Variants in WNT7B observed in about 807,000 individuals in gnomAD.
WNT7B encodes Wnt family member 7B.
In WNT7B, 19 loss-of-function variants were observed where a neutral mutation model predicts 38.2. That is an observed-to-expected ratio of 0.50 (90% CI 0.35 to 0.73). The LOEUF (loss-of-function observed/expected upper bound fraction) is 0.73, where lower values mean the gene tolerates loss of function less well. WNT7B is among the 30% of genes least tolerant of loss of function. The pLI, the probability that WNT7B is intolerant of heterozygous loss-of-function variation, is 0.01. For synonymous variants in WNT7B, 243 were observed against 209.3 expected, an observed-to-expected ratio of 1.16 and a Z score of -1.39; for missense variants, 423 against 507.9, an observed-to-expected ratio of 0.83 and a Z score of 1.61.
chr22:45,933,574 G>T (rs749842703), intron 2 of WNT7B, among the ~76,000 whole-genome samples: 1 of 152,078 alleles, frequency 6.6e-6, no homozygotes, highest in Non-Finnish European at 1.5e-5. Context: ...TAGGGGGAGG[G>T]GGCAATAAAC....
At chr22:45,967,424 G>T (rs1268597211) in intron 1 of WNT7B, among the ~76,000 whole-genome samples, 2 of 99,420 alleles carry the variant, frequency 2.0e-5, no homozygotes, top group Admixed American at 2.0e-4. Flanking sequence ...GAGGGCTTGG[G>T]CTCCCACTGC....
At chr22:45,926,661 C>T in intron 3 of WNT7B, 1 of 985,270 alleles carries the variant, frequency 1.0e-6, no homozygotes, top group Non-Finnish European at 1.2e-6. Flanking sequence ...CTCACACCCT[C>T]TTCCACAGCA....
chr22:45,944,559 T>C (rs1487292010), intron 2 of WNT7B, among the ~76,000 whole-genome samples: 3 of 152,204 alleles, frequency 2.0e-5, no homozygotes, highest in Non-Finnish European at 4.4e-5. Flanking sequence ...GAAATGTCTG[T>C]TGAGCTGCCT....
intron 2 of WNT7B, among the ~76,000 whole-genome samples, chr22:45,932,408 C>G (rs563754466): frequency 6.2e-5 from 9 of 146,232 alleles, no homozygotes; most frequent in African/African-American, 2.4e-4. Flanking sequence ...TCCAGGCAGC[C>G]TTCCCAGACC....
chr22:45,956,430 G>A (rs998570249), intron 1 of WNT7B, among the ~76,000 whole-genome samples: 1 of 152,334 alleles, frequency 6.6e-6, no homozygotes, highest in East Asian at 1.9e-4. Context: ...TCCCCCGGGA[G>A]ATCAGGGACC....
At chr22:45,953,527 G>T (rs1312774939) in intron 1 of WNT7B, among the ~76,000 whole-genome samples, 1 of 152,152 alleles carries the variant, frequency 6.6e-6, no homozygotes, top group Admixed American at 6.5e-5. Flanking sequence ...ACATCTGAAA[G>T]AACTACAACT....
At chr22:45,954,919 T>A (rs1030553260) in intron 1 of WNT7B, 2 of 252,970 alleles carry the variant, frequency 7.9e-6, no homozygotes, top group African/African-American at 2.3e-5. Context: ...TCAGAGAGGC[T>A]AGGGGACCTG....
chr22:45,950,231 C>T (rs1931900653), intron 1 of WNT7B, 85 bp from the exon 2 acceptor site: 1 of 1,217,824 alleles, frequency 8.2e-7, no homozygotes, highest in Non-Finnish European at 1.2e-6. Context: ...CACTCAGCCT[C>T]TCAGTCACAG....
In WNT7B at chr22:45,963,073, C is replaced by T. The variant is rs1399666003; in HGVS notation, c.72-12927G>A. Among the ~76,000 whole-genome samples, 8 of 152,226 alleles carry T rather than the reference C, an allele frequency of 5.3e-5. No homozygotes were observed. In the East Asian group the frequency reaches 1.2e-3, roughly 22 times the overall value. On this transcript the variant is annotated intron_variant, in intron 1 of 3. Coordinates refer to ENST00000339464, the MANE Select transcript of WNT7B (RefSeq NM_058238.3). ...AGCTCCCGGCCCTGGGACTCAGCCT[C>T]AGGCCGCAGTCCTGAAGGGTCCTCC...
At chr22:45,970,861 A>T (rs1200659721) in intron 1 of WNT7B, among the ~76,000 whole-genome samples, 1 of 152,164 alleles carries the variant, frequency 6.6e-6, no homozygotes, top group Non-Finnish European at 1.5e-5. Flanking sequence ...CCCCACCCGC[A>T]TGCGCCCTGC....
intron 2 of WNT7B, among the ~76,000 whole-genome samples, chr22:45,943,485 G>A (rs1931719497): frequency 6.6e-6 from 1 of 152,228 alleles, no homozygotes; most frequent in African/African-American, 2.4e-5. Context: ...GGTGCTCGGG[G>A]AGCCCAGGAG....
At chr22:45,926,595 C>T (rs2146705288) in intron 3 of WNT7B, 1 of 985,404 alleles carries the variant, frequency 1.0e-6, no homozygotes, top group Non-Finnish European at 1.2e-6. Context: ...CTGGGGCCGA[C>T]AGAAGGCACC....
Position 45,922,859 on chromosome 22 carries a change from C to T in WNT7B, c.1047G>A (p.Lys349=), listed in dbSNP as rs199970064. 13 of 1,593,592 alleles carry T rather than the reference C, an allele frequency of 8.2e-6. No individual in the cohort carries two copies. In the East Asian group the frequency reaches 2.9e-4, roughly 36 times the overall value. Residue 349 remains lysine (K), a synonymous_variant, in exon 4 of 4, where the codon AAG becomes AAA. Coordinates refer to ENST00000339464, the MANE Select transcript of WNT7B (RefSeq NM_058238.3). ...GCGGCCGCCTCCGGGCCTGGCCTCA[C>T]TTGCAGGTGAAGACCTCGGTGCGCT... ...CSERTEVFTC[K]
chr22:45,972,134 C>CA, intron 1 of WNT7B: 1 of 603,190 alleles, frequency 1.7e-6, no homozygotes, highest in Non-Finnish European at 3.0e-6. Flanking sequence ...GCCCACCCCG[C>CA]ACGCCGCCCG....
intron 3 of WNT7B, among the ~76,000 whole-genome samples, chr22:45,927,793 G>A (rs1931137705): frequency 6.6e-6 from 1 of 152,256 alleles, no homozygotes; most frequent in Non-Finnish European, 1.5e-5. Context: ...CTATTCGGGA[G>A]GCTGAGGCAG....
chr22:45,972,023 C>A, intron 1 of WNT7B: 2 of 452,702 alleles, frequency 4.4e-6, no homozygotes, highest in Non-Finnish European at 7.7e-6. Context: ...AGTCCCCCGG[C>A]TCCCGCGCGC....
chr22:45,931,810 A>G (rs1931370500), intron 2 of WNT7B, among the ~76,000 whole-genome samples: 1 of 152,010 alleles, frequency 6.6e-6, no homozygotes, highest in African/African-American at 2.4e-5. Context: ...GCCCCTCCTC[A>G]TGAACGGGCA....
chr22:45,957,739 G>A (rs9330802), intron 1 of WNT7B, among the ~76,000 whole-genome samples: 48,822 of 139,578 alleles, frequency 0.35, 9,376 homozygotes, highest in East Asian at 0.68. Flanking sequence ...AAATTCAAAT[G>A]CCAACTTTAC....
chr22:45,976,620 C>A lies in WNT7B; in HGVS notation c.71+64G>T, dbSNP rs1345034653. The A allele has an allele frequency of 1.3e-6, 2 of 1,554,520 alleles. No individual in the cohort carries two copies. The highest frequency in any genetic ancestry group is 2.4e-5 in the East Asian group (1 of 41,580). The stretch of plus-strand genomic sequence containing the variant: ...GTCCCCACGTCCCCACGGGGACGCC[C>A]CGGAGGCAGCTCCTTCGTGCTGTCT... On this transcript the variant is annotated intron_variant, in intron 1 of 3. Coordinates refer to ENST00000339464, the MANE Select transcript of WNT7B (RefSeq NM_058238.3). The surrounding 1 kb of genome is among the most constrained non-coding windows in gnomAD (Gnocchi z 8.5).
Sources: gnomAD v4.1 joint callset for allele counts (sites outside exome capture counted in the v4.1 genomes callset) on GRCh38, gnomAD v4.1.1 for gene constraint, Gnocchi (gnomAD v3.1) non-coding constraint, MANE v1.5 for transcripts, NCBI Gene and HGNC (gene_info 2026-07-23, HGNC 2026-07-21) for gene names.